The following F9 variants were observed in gnomAD, a reference collection of about 807,000 sequenced individuals.
The protein encoded by F9 is coagulation factor IX.
In F9, 2 loss-of-function variants were observed where a neutral mutation model predicts 34.1. That is an observed-to-expected ratio of 0.06 (90% CI 0.02 to 0.18). F9 has a LOEUF of 0.18. Among genes scored for constraint, F9 ranks in the 10% least tolerant of loss-of-function variants. The pLI is 1.00. For missense variants in F9, 216 were observed against 345.1 expected (o/e 0.63, Z 2.96); for synonymous variants, 137 against 118.8 (o/e 1.15, Z -1.00).
At chrX:139,560,886 G>A (rs983001569) in intron 7 of F9, 31 bp downstream of exon 7, 1 of 964,515 alleles carries the variant, frequency 1.0e-6, no homozygotes, top group Non-Finnish European at 1.5e-6. Context: ...ATAATCTGCA[G>A]CACCACTAGC....
chrX:139,562,730 C>T lies in F9; in HGVS notation c.*659C>T, dbSNP rs1167105245. 1 of 109,355 alleles carries T rather than the reference C, an allele frequency of 9.1e-6. No individual in the cohort carries two copies. The highest frequency in any genetic ancestry group is 9.9e-5 in the Admixed American group (1 of 10,109). The allele number at this position is 109,355 out of a possible 1,213,427, so 9.0% of individuals were successfully genotyped here. ...TGTTATACTTCTGTACACAGTTATACATGTCTATCAAACCCAGACTTGCTT... is the reference window on the plus strand; with the variant it reads ...TGTTATACTTCTGTACACAGTTATATATGTCTATCAAACCCAGACTTGCTT... On this transcript the variant is annotated 3_prime_UTR_variant, in exon 8 of 8. Coordinates refer to ENST00000218099, the MANE Select transcript of F9 (RefSeq NM_000133.4).
intron 4 of F9, among the ~76,000 whole-genome samples, chrX:139,546,097 C>T (rs4149703): frequency 0.037 from 4,080 of 110,827 alleles, 203 homozygotes; most frequent in African/African-American, 0.13. Flanking sequence ...CTCAAGTAGA[C>T]TCCAGTATCT....
intron 5 of F9, 145 bp from the exon 6 acceptor site, chrX:139,550,917 C>G: frequency 6.2e-6 from 3 of 484,323 alleles, no homozygotes; most frequent in South Asian, 3.3e-5. Context: ...GCTTGAGACT[C>G]TATTCACTGA....
At chrX:139,551,602 T>C (rs921712996) in intron 6 of F9, among the ~76,000 whole-genome samples, 3 of 111,045 alleles carry the variant, frequency 2.7e-5, no homozygotes, top group African/African-American at 9.8e-5. Context: ...TTGCAAAAAC[T>C]GGTGAGAGTT....
intron 1 of F9, among the ~76,000 whole-genome samples, chrX:139,533,599 C>T (rs1569481732): frequency 1.8e-5 from 2 of 112,258 alleles, no homozygotes; most frequent in Non-Finnish European, 3.8e-5. Flanking sequence ...ACAGTAGTTA[C>T]AGCCACGTGT....
At chrX:139,534,686 T>C in intron 1 of F9, among the ~76,000 whole-genome samples, 1 of 112,451 alleles carries the variant, frequency 8.9e-6, no homozygotes, top group Non-Finnish European at 1.9e-5. Flanking sequence ...GTTTAGGTTA[T>C]ATGCAAATAG....
rs1310428033 is a variant in F9 at position 139,553,843 on chromosome X, T to TTA, written c.723+2579_723+2580insTA. Among the ~76,000 whole-genome samples the TTA allele has an allele frequency of 1.3e-3, 90 of 67,514 alleles. 1 individual carries two copies. Among genetic ancestry groups the TTA allele is most frequent in the Admixed American group, 2.7e-3 (16 of 6,003 alleles). The allele number at this position is 67,514 out of a possible 115,157, so 58.6% of individuals were successfully genotyped here. On this transcript the variant is annotated intron_variant, in intron 6 of 7. Transcript: ENST00000218099. Reference sequence around the variant, plus strand: ...AAAAAAAAAAAAAAAAGTCCAAGATTAAAAAAAAAAAAAAAAAAGGATGTC... The same window carrying TTA: ...AAAAAAAAAAAAAAAAGTCCAAGATTTAAAAAAAAAAAAAAAAAAAGGATGTC...
Position 139,562,800 on chromosome X carries a change from TG to T in F9, c.*730del, listed in dbSNP as rs764240458. The stretch of plus-strand genomic sequence containing the variant: ...TTCAGAACATAGGGATGAAGTAAGG[TG>T]CCTGAAAAGTTTGGGGGAAAAGTTT... On this transcript the variant is annotated 3_prime_UTR_variant, in exon 8 of 8. Transcript: ENST00000218099. 1 of 106,938 alleles carries T rather than the reference TG, an allele frequency of 9.4e-6. No homozygotes were observed. Among genetic ancestry groups the T allele is most frequent in the East Asian group, 2.9e-4 (1 of 3,411 alleles). The allele number at this position is 106,938 out of a possible 1,213,427, so 8.8% of individuals were successfully genotyped here.
rs1469164049 is a variant in F9, at chrX:139,551,060, A to G, written c.521-2A>G. 8.3e-7 allele frequency: 1 copy of G among 1,207,308 alleles called. No individual in the cohort carries two copies. ...TTACTAATTTTTCTTCTATTTTTCT[A>G]GTGCCATTTCCATGTGGAAGAGTTT... is the stretch of plus-strand genomic sequence containing the variant. On this transcript the variant is annotated splice_acceptor_variant, in intron 5 of 7. Transcript: ENST00000218099. LOFTEE classifies it high-confidence loss of function.
intron 1 of F9, among the ~76,000 whole-genome samples, chrX:139,532,565 C>T (rs949441211): frequency 9.0e-6 from 1 of 111,393 alleles, no homozygotes; most frequent in Non-Finnish European, 1.9e-5. Flanking sequence ...ACCAGACTCC[C>T]TCTTTGATCT....
At chrX:139,557,376 C>T (rs1927992494) in intron 6 of F9, among the ~76,000 whole-genome samples, 1 of 111,973 alleles carries the variant, frequency 8.9e-6, no homozygotes, top group African/African-American at 3.2e-5. Flanking sequence ...TAGGCCTTTT[C>T]CTTGGCAAGG....
chrX:139,541,024 G>C, intron 3 of F9, 52 bp from the exon 4 acceptor site: 1 of 919,538 alleles, frequency 1.1e-6, no homozygotes, highest in Non-Finnish European at 1.5e-6. Context: ...GGGGAGGACC[G>C]GGCATTCTAA....
chrX:139,553,735 C>A (rs2067322769), intron 6 of F9, among the ~76,000 whole-genome samples: 1 of 102,567 alleles, frequency 9.7e-6, no homozygotes, highest in South Asian at 4.7e-4. Context: ...ATGGCGTGAA[C>A]CGGGGAGGCG....
chrX:139,550,401 C>T (rs909076914), intron 5 of F9, among the ~76,000 whole-genome samples: 10 of 111,966 alleles, frequency 8.9e-5, no homozygotes, highest in Non-Finnish European at 1.5e-4. Context: ...ACTACAAATT[C>T]CCATTCTGGT....
At chrX:139,531,556 G>A (rs377375069) in intron 1 of F9, among the ~76,000 whole-genome samples, 1 of 112,294 alleles carries the variant, frequency 8.9e-6, no homozygotes, top group African/African-American at 3.2e-5. Context: ...CTTAAGAATT[G>A]ACATAAAGAG....
chrX:139,537,325 A>G, intron 2 of F9, 37 bp from the exon 3 acceptor site: 1 of 1,158,997 alleles, frequency 8.6e-7, no homozygotes, highest in Non-Finnish European at 1.2e-6. Flanking sequence ...AACACTTTAG[A>G]TATTACCGTT....
rs1569481871 is a variant in F9, at chrX:139,536,209, ACACAC to A, written c.89-800_89-796del. 1.0e-4 allele frequency among the ~76,000 whole-genome samples: 11 copies of A among 106,653 alleles called. No homozygotes were observed. In the Admixed American group the frequency reaches 1.1e-3, roughly 11 times the overall value. The allele number at this position is 106,653 out of a possible 115,157, so 92.6% of individuals were successfully genotyped here. Reference sequence around the variant, plus strand: ...TGTGTACATATATGTATACATATATACACACACATATATATGTACACACATATATG... The same window carrying A: ...TGTGTACATATATGTATACATATATAACATATATATGTACACACATATATG... On this transcript the variant is annotated intron_variant, in intron 1 of 7. Coordinates refer to ENST00000218099, the MANE Select transcript of F9 (RefSeq NM_000133.4).
Position 139,562,458 on chromosome X carries a change from G to T in F9, c.*387G>T, listed in dbSNP as rs1928144473. The T allele has an allele frequency of 4.5e-6, 1 of 223,033 alleles. No individual in the cohort carries two copies. The highest frequency in any genetic ancestry group is 8.1e-6 in the Non-Finnish European group (1 of 123,289). The allele number at this position is 223,033 out of a possible 1,213,427, so 18.4% of individuals were successfully genotyped here. A position where few individuals can be genotyped will look rare whatever the true frequency, so the allele number is the denominator to read the frequency against. On this transcript the variant is annotated 3_prime_UTR_variant, in exon 8 of 8. Coordinates refer to ENST00000218099, the MANE Select transcript of F9 (RefSeq NM_000133.4). ...CCAACCAAAACATCAATGTTTATTA[G>T]TTCTGTATACAGTACAGGATCTTTG... is the stretch of plus-strand genomic sequence containing the variant.
chrX:139,543,423 G>A (rs746764741), intron 4 of F9, among the ~76,000 whole-genome samples: 75 of 111,473 alleles, frequency 6.7e-4, no homozygotes, highest in African/African-American at 2.2e-3. Context: ...GCATTTTCCC[G>A]CAGTAAAGTA....
Sources: allele counts gnomAD v4.1 joint callset (sites outside exome capture counted in the v4.1 genomes callset), GRCh38; gene constraint gnomAD v4.1.1; transcripts MANE v1.5; gene names NCBI Gene and HGNC (gene_info 2026-07-23, HGNC 2026-07-21).